CDH1: variants seen among roughly 807,000 people sequenced by gnomAD.
CDH1 encodes the protein cadherin 1.
A neutral mutation model predicts 84.5 loss-of-function variants in CDH1; 35 were observed. The observed-to-expected ratio is 0.41, with a 90% CI of 0.32 to 0.55. The LOEUF (loss-of-function observed/expected upper bound fraction) is 0.55. Among genes scored for constraint, CDH1 ranks in the 20% least tolerant of loss-of-function variants. CDH1 has a pLI of 0.19. For missense variants in CDH1, 994 were observed against 1,126.6 expected, an observed-to-expected ratio of 0.88 and a Z score of 1.68; for synonymous variants, 417 against 439.0, an observed-to-expected ratio of 0.95 and a Z score of 0.63.
Position 68,784,110 on chromosome 16 carries a change from C to T in CDH1, c.164-17560C>T, listed in dbSNP as rs76052885. 2.6e-3 allele frequency among the ~76,000 whole-genome samples: 395 copies of T among 152,244 alleles called. 6 individuals are homozygous for T. The highest frequency in any genetic ancestry group is 9.1e-3 in the African/African-American group (379 of 41,520). ...TGTAGTGGCCCTCCGTATATCTGCC[C>T]TGATGCAATGTGTGAGTCCCTCTGT... On this transcript the variant is annotated intron_variant, in intron 2 of 15. Transcript: ENST00000261769.
At chr16:68,753,375 C>T (rs1393765788) in intron 2 of CDH1, among the ~76,000 whole-genome samples, 1 of 151,320 alleles carries the variant, frequency 6.6e-6, no homozygotes, top group African/African-American at 2.4e-5. Context: ...GAGAGGGAGT[C>T]TCCCTCTGTC....
chr16:68,816,132 C>T (rs1960981603), intron 10 of CDH1, among the ~76,000 whole-genome samples: 1 of 152,148 alleles, frequency 6.6e-6, no homozygotes, highest in South Asian at 2.1e-4. Context: ...ATTTTCATGC[C>T]TCAGCCTTCC....
chr16:68,780,515 G>T (rs1411337626), intron 2 of CDH1, among the ~76,000 whole-genome samples: 1 of 152,092 alleles, frequency 6.6e-6, no homozygotes, highest in Non-Finnish European at 1.5e-5. Flanking sequence ...TGTTGGCCAG[G>T]CTGATTTCAA....
chr16:68,767,021 C>T (rs1193848423), intron 2 of CDH1, among the ~76,000 whole-genome samples: 1 of 152,058 alleles, frequency 6.6e-6, no homozygotes, highest in Non-Finnish European at 1.5e-5. Context: ...GCCACTGCGC[C>T]CCGCCTAGAC....
rs1961597074 is a variant in CDH1 at position 68,834,925 on chromosome 16, G to A, written c.*1426G>A. 1 of 232,412 alleles carries A rather than the reference G, an allele frequency of 4.3e-6. No individual in the cohort carries two copies. Among genetic ancestry groups the A allele is most frequent in the Non-Finnish European group, 8.5e-6 (1 of 117,304 alleles). 14.4% of individuals were successfully genotyped at this position (232,412 alleles called of 1,614,324 possible). ...GCAAACTGATGCTGAGGATGATTGA[G>A]GTGGGTCTACCTCATCTCTGAAAAT... On this transcript the variant is annotated 3_prime_UTR_variant, in exon 16 of 16. Transcript: ENST00000261769.
intron 13 of CDH1, among the ~76,000 whole-genome samples, chr16:68,823,883 T>G (rs2152139831): frequency 6.6e-6 from 1 of 152,270 alleles, no homozygotes; most frequent in East Asian, 1.9e-4. Flanking sequence ...CTTTTCATTC[T>G]TCAAGACAGT....
Position 68,833,601 on chromosome 16 carries a change from G to T in CDH1, c.*102G>T. 5.8e-6 allele frequency: 5 copies of T among 855,332 alleles called. No homozygotes were observed. Among genetic ancestry groups the T allele is most frequent in the Non-Finnish European group, 3.9e-6 (2 of 511,722 alleles). The allele number at this position is 855,332 out of a possible 1,614,324, so 53.0% of individuals were successfully genotyped here. ...CCTTCCCTTGAGATGAGTTTCTGGG[G>T]AAAAAAAAGAGACTGGTTAGTGATG... On this transcript the variant is annotated 3_prime_UTR_variant, in exon 16 of 16. Transcript: ENST00000261769.
At chr16:68,737,567 A>G (rs1962433464) in intron 1 of CDH1, 104 bp downstream of exon 1, 1 of 1,055,562 alleles carries the variant, frequency 9.5e-7, no homozygotes, top group African/African-American at 1.6e-5. Flanking sequence ...CCCTTCTTCC[A>G]AGAAAGTTCG....
At chr16:68,748,879 G>A (rs569271402) in intron 2 of CDH1, among the ~76,000 whole-genome samples, 1 of 152,252 alleles carries the variant, frequency 6.6e-6, no homozygotes, top group African/African-American at 2.4e-5. Context: ...CGCTCTTGTC[G>A]CCCAGGCTGG....
chr16:68,743,254 C>G (rs1432040571), intron 2 of CDH1, among the ~76,000 whole-genome samples: 1 of 152,130 alleles, frequency 6.6e-6, no homozygotes, highest in Non-Finnish European at 1.5e-5. Context: ...CCGAGAGGCA[C>G]CTGTCCCAAT....
chr16:68,810,137 C>A (rs2152130906), intron 5 of CDH1, 60 bp from the exon 6 acceptor site: 1 of 1,598,620 alleles, frequency 6.3e-7, no homozygotes, highest in Non-Finnish European at 8.6e-7. Flanking sequence ...CTGGCTGGGC[C>A]CCTTCTCCCA....
rs761362857 is a variant in CDH1, at chr16:68,815,485, G to GT, written c.1321-25dup. On this transcript the variant is annotated intron_variant, in intron 9 of 15. Transcript: ENST00000261769. The stretch of plus-strand genomic sequence containing the variant: ...TTACTAACACAAAATGTTTCGTTTT[G>GT]TTTTTAACTTCATTGTTTCTGCTCT... The GT allele has an allele frequency of 8.7e-6, 14 of 1,613,768 alleles. No individual in the cohort carries two copies. The African/African-American group carries it at 1.3e-4, about 15-fold the overall frequency.
intron 10 of CDH1, among the ~76,000 whole-genome samples, chr16:68,816,864 G>A (rs988318635): frequency 3.9e-5 from 6 of 152,152 alleles, no homozygotes; most frequent in African/African-American, 1.4e-4. Context: ...GGTTTTAATC[G>A]AAGTTTAAAA....
rs1193766024 is a variant in CDH1, at chr16:68,833,944, T to TG, written c.*447dup. On this transcript the variant is annotated 3_prime_UTR_variant, in exon 16 of 16. Transcript: ENST00000261769. The stretch of plus-strand genomic sequence containing the variant: ...TGTGTGCTTCTGCTCATTACTACAC[T>TG]GGTGTGTCCCTCTGCCTTTTTTTTT... 1.2e-5 allele frequency: 4 copies of TG among 343,634 alleles called. No homozygotes were observed. The highest frequency in any genetic ancestry group is 2.2e-5 in the Non-Finnish European group (4 of 184,544). 21.3% of individuals were successfully genotyped at this position (343,634 alleles called of 1,614,324 possible). A position where few individuals can be genotyped will look rare whatever the true frequency, so the allele number is the denominator to read the frequency against.
chr16:68,745,050 G>C (rs1295972067), intron 2 of CDH1, among the ~76,000 whole-genome samples: 1 of 152,134 alleles, frequency 6.6e-6, no homozygotes, highest in Non-Finnish European at 1.5e-5. Flanking sequence ...ACCGGAACGG[G>C]TTTGTTGTGG....
At chr16:68,817,803 G>A (rs1262576075) in intron 10 of CDH1, among the ~76,000 whole-genome samples, 1 of 152,174 alleles carries the variant, frequency 6.6e-6, no homozygotes, top group African/African-American at 2.4e-5. Context: ...CTAAGGAAGA[G>A]CCATGCCAAC....
At position 68,828,349 on chromosome 16, in the gene CDH1, C is replaced by T. The variant is rs747463968; in HGVS notation, c.2295+45C>T. ...GTAGCTCAGTGGTGATCTCTTTATTCGGAAGAAGCAATGATTAGTAAGAGG... is the reference window on the plus strand; with the variant it reads ...GTAGCTCAGTGGTGATCTCTTTATTTGGAAGAAGCAATGATTAGTAAGAGG... On this transcript the variant is annotated intron_variant, in intron 14 of 15. Coordinates refer to ENST00000261769, the MANE Select transcript of CDH1 (RefSeq NM_004360.5). 2.2e-5 allele frequency: 36 copies of T among 1,606,530 alleles called. No individual in the cohort carries two copies. The highest frequency in any genetic ancestry group is 5.5e-5 in the South Asian group (5 of 90,736).
chr16:68,823,992 C>CTTTTTTTTTTTTTTT (rs889358029), intron 13 of CDH1, among the ~76,000 whole-genome samples: 1 of 99,930 alleles, frequency 1.0e-5, no homozygotes, highest in African/African-American at 4.2e-5. Context: ...TTCTGCATTT[C>CTTTTTTTTTTTTTTT]TTTTTTTTTT....
chr16:68,816,068 C>T (rs557304212), intron 10 of CDH1, among the ~76,000 whole-genome samples: 4 of 152,188 alleles, frequency 2.6e-5, no homozygotes, highest in South Asian at 2.1e-4. Context: ...CCCAGGCTAG[C>T]GTGCAGTGGC....
Sources: gnomAD v4.1 joint callset for allele counts (sites outside exome capture counted in the v4.1 genomes callset) on GRCh38, gnomAD v4.1.1 for gene constraint, MANE v1.5 for transcripts, NCBI Gene and HGNC (gene_info 2026-07-23, HGNC 2026-07-21) for gene names.